CAD: variants seen among roughly 807,000 people sequenced by gnomAD.
The protein encoded by CAD is multifunctional protein CAD.
A neutral mutation model predicts 237.2 loss-of-function variants in CAD; 81 were observed. The observed-to-expected ratio is 0.34, with a 90% CI of 0.29 to 0.41. The LOEUF (loss-of-function observed/expected upper bound fraction) is 0.41. Ranked by LOEUF, CAD falls within the 10% of genes least tolerant of loss-of-function variation. The pLI is 1.00. For synonymous variants in CAD, 1,196 were observed against 1,162.8 expected, an observed-to-expected ratio of 1.03 and a Z score of -0.58; for missense variants, 2,181 against 2,951.7, an observed-to-expected ratio of 0.74 and a Z score of 6.05.
intron 1 of CAD, 84 bp from the exon 2 acceptor site, chr2:27,217,793 C>T: frequency 6.7e-7 from 1 of 1,495,026 alleles, no homozygotes; most frequent in Admixed American, 2.1e-5. Flanking sequence ...GCGACCAAGG[C>T]AGCCTCCACT....
intron 3 of CAD, among the ~76,000 whole-genome samples, chr2:27,221,755 T>A (rs1322399072): frequency 1.7e-5 from 1 of 60,400 alleles, no homozygotes; most frequent in Non-Finnish European, 2.9e-5. Flanking sequence ...ATTTCCCAAT[T>A]TTTTTTTTTT....
At chr2:27,231,731 ATT>A in intron 16 of CAD, 151 bp downstream of exon 16, 1 of 668,986 alleles carries the variant, frequency 1.5e-6, no homozygotes, top group Non-Finnish European at 2.6e-6. Flanking sequence ...GAGATGTCTC[ATT>A]AGCACGCAAG....
rs773481799 is a variant in CAD at position 27,235,497 on chromosome 2, A to G, written c.3970-39A>G. The G allele has an allele frequency of 1.2e-6, 2 of 1,612,194 alleles. No individual in the cohort carries two copies. Among genetic ancestry groups the G allele is most frequent in the African/African-American group, 1.3e-5 (1 of 74,890 alleles). ...GCCAGGGCTGACCTTGAAATGGAAGACAGGAAGAAAACAATTTCATCCTTC... is the reference window on the plus strand; with the variant it reads ...GCCAGGGCTGACCTTGAAATGGAAGGCAGGAAGAAAACAATTTCATCCTTC... On this transcript the variant is annotated intron_variant, in intron 24 of 43. Coordinates refer to ENST00000264705, the MANE Select transcript of CAD (RefSeq NM_004341.5). The surrounding 1 kb of genome is among the most constrained non-coding windows in gnomAD (Gnocchi z 5.2).
chr2:27,224,271 C>G, intron 8 of CAD, 74 bp from the exon 9 acceptor site: 1 of 1,532,490 alleles, frequency 6.5e-7, no homozygotes, highest in South Asian at 1.2e-5. Flanking sequence ...CTTCTGAAAG[C>G]GAGGGAGCTA....
Position 27,238,151 on chromosome 2 carries a change from C to T in CAD, c.4824C>T (p.Arg1608=). The T allele has an allele frequency of 2.5e-6, 4 of 1,614,196 alleles. No individual in the cohort carries two copies. Among genetic ancestry groups the T allele is most frequent in the South Asian group, 1.1e-5 (1 of 91,092 alleles). ...AVLMVAQLTQ[R]SVHICHVARK... is the part of the protein sequence containing the mutation. ...TCATGGTGGCTCAGCTCACTCAGCG[C>T]TCAGTGCACATATGTCACGTGGCAC... Residue 1608 remains arginine (R), a synonymous_variant, in exon 30 of 44, where the codon CGC becomes CGT. Coordinates refer to ENST00000264705, the MANE Select transcript of CAD (RefSeq NM_004341.5).
chr2:27,217,474 C>T lies in CAD; in HGVS notation c.-78C>T, dbSNP rs1176651942. ...GCCACGTGGACCGACTCCGGCGCGC[C>T]GTCCTCACGTGGTTCCAGTGGAGTT... On this transcript the variant is annotated 5_prime_UTR_variant, in exon 1 of 44. Coordinates refer to ENST00000264705, the MANE Select transcript of CAD (RefSeq NM_004341.5). The T allele has an allele frequency of 3.2e-6, 4 of 1,259,096 alleles. No homozygotes were observed. The highest frequency in any genetic ancestry group is 2.0e-5 in the Admixed American group (1 of 51,108). The allele number at this position is 1,259,096 out of a possible 1,614,324, so 78.0% of individuals were successfully genotyped here.
chr2:27,241,823 C>A lies in CAD; in HGVS notation c.5884-88C>A. 1 of 1,066,274 alleles carries A rather than the reference C, an allele frequency of 9.4e-7. No homozygotes were observed. Among genetic ancestry groups the A allele is most frequent in the Non-Finnish European group, 1.4e-6 (1 of 708,810 alleles). 66.1% of individuals were successfully genotyped at this position (1,066,274 alleles called of 1,614,324 possible). On this transcript the variant is annotated intron_variant, in intron 38 of 43. Coordinates refer to ENST00000264705, the MANE Select transcript of CAD (RefSeq NM_004341.5). The surrounding 1 kb of genome is among the most constrained non-coding windows in gnomAD (Gnocchi z 4.6). ...GCAGAAGGGTCCTCACAGCACCCCT[C>A]AAGTGTCAGTTGGGGTGGTGGTGCC...
In CAD at chr2:27,240,447, T is replaced by C; in HGVS notation, c.5593+86T>C. On this transcript the variant is annotated intron_variant, in intron 35 of 43. Coordinates refer to ENST00000264705, the MANE Select transcript of CAD (RefSeq NM_004341.5). The surrounding 1 kb of genome is among the most constrained non-coding windows in gnomAD (Gnocchi z 4.6). ...TGCCTCGCCTTTCTCTACTTACATG[T>C]CCTCCTCTCCATCCCTTTATCCTCG... is the stretch of plus-strand genomic sequence containing the variant. The C allele has an allele frequency of 6.8e-7, 1 of 1,479,870 alleles. No homozygotes were observed. The highest frequency in any genetic ancestry group is 9.4e-7 in the Non-Finnish European group (1 of 1,058,844). The allele number at this position is 1,479,870 out of a possible 1,614,324, so 91.7% of individuals were successfully genotyped here.
rs1164804922 is a variant in CAD, at chr2:27,236,871, C to T, written c.4396+41C>T. ...GAACTTGGCTTCTGAACACTGGCAGCCCCTGGCATAGAGACCTGCAGTGTG... is the reference window on the plus strand; with the variant it reads ...GAACTTGGCTTCTGAACACTGGCAGTCCCTGGCATAGAGACCTGCAGTGTG... On this transcript the variant is annotated intron_variant, in intron 27 of 43. Coordinates refer to ENST00000264705, the MANE Select transcript of CAD (RefSeq NM_004341.5). The surrounding 1 kb of genome is among the most constrained non-coding windows in gnomAD (Gnocchi z 4.1). 6.4e-7 allele frequency: 1 copy of T among 1,550,388 alleles called. No homozygotes were observed. Among genetic ancestry groups the T allele is most frequent in the Non-Finnish European group, 8.9e-7 (1 of 1,122,002 alleles).
At chr2:27,231,067 G>A (rs1675727566) in intron 15 of CAD, among the ~76,000 whole-genome samples, 1 of 152,234 alleles carries the variant, frequency 6.6e-6, no homozygotes, top group Admixed American at 6.5e-5. Context: ...GTGCAATGGT[G>A]TGATCGCTGC....
chr2:27,238,497 C>T lies in CAD; in HGVS notation c.4927C>T (p.Leu1643=). The change falls in exon 31 of 44, where the codon CTG becomes TTG. Residue 1643 remains leucine, a synonymous_variant. Coordinates refer to ENST00000264705, the MANE Select transcript of CAD (RefSeq NM_004341.5). ...GACCTGCGAGGTGGCTCCCCACCAC[C>T]TGTTCCTAAGCCATGATGACCTGGA... ...PVTCEVAPHH[L]FLSHDDLERL... is the part of the protein sequence containing the mutation. The T allele has an allele frequency of 6.2e-7, 1 of 1,612,286 alleles. No homozygotes were observed. Among genetic ancestry groups the T allele is most frequent in the Middle Eastern group, 1.7e-4 (1 of 6,052 alleles).
chr2:27,222,519 A>C lies in CAD; in HGVS notation c.496A>C (p.Thr166Pro), dbSNP rs761254710. The change falls in exon 5 of 44, where the codon ACT becomes CCT. Residue 166 changes from threonine (T) to proline (P), a missense_variant and splice_region_variant. Around this residue, in one of 12 missense-constraint regions of CAD, gnomAD observed 314 missense variants for 339.4 expected, o/e 0.93. Coordinates refer to ENST00000264705, the MANE Select transcript of CAD (RefSeq NM_004341.5). ...TGCCCTTTATTCGTCTATTTCTCAG[A>C]CTCCACGGGTATTCAATACAGGGGG... ...RPLVPEVSIK[T>P]PRVFNTGGAP... is the part of the protein sequence containing the mutation. The C allele has an allele frequency of 1.2e-6, 2 of 1,612,480 alleles. No individual in the cohort carries two copies. The highest frequency in any genetic ancestry group is 1.7e-6 in the Non-Finnish European group (2 of 1,178,988).
Position 27,242,076 on chromosome 2 carries a change from TA to T in CAD, c.6050del (p.Tyr2017LeufsTer26), listed in dbSNP as rs1427851023. 1 of 1,613,210 alleles carries T rather than the reference TA, an allele frequency of 6.2e-7. No homozygotes were observed. The highest frequency in any genetic ancestry group is 8.5e-7 in the Non-Finnish European group (1 of 1,180,038). ...LADSVQTMSC[Y>X]ADVVVLRHPQ... ...TGACTCCGTGCAGACCATGAGCTGC[TA>T]TGCCGACGTCGTCGTGCTCCGGCAC... On this transcript the variant is annotated frameshift_variant, in exon 39 of 44. Coordinates refer to ENST00000264705, the MANE Select transcript of CAD (RefSeq NM_004341.5). LOFTEE classifies it high-confidence loss of function. The surrounding 1 kb of genome is among the most constrained non-coding windows in gnomAD (Gnocchi z 6.4).
In CAD at chr2:27,236,182, G is replaced by C; in HGVS notation, c.4075-102G>C. On this transcript the variant is annotated intron_variant, in intron 25 of 43. Transcript: ENST00000264705. The surrounding 1 kb of genome is among the most constrained non-coding windows in gnomAD (Gnocchi z 4.1). ...TCAGTGCCCACCCTATGGGTCCTCAGTCTCCTCATCATGGGCTCCTGGGCC... is the reference window on the plus strand; with the variant it reads ...TCAGTGCCCACCCTATGGGTCCTCACTCTCCTCATCATGGGCTCCTGGGCC... The C allele has an allele frequency of 6.7e-7, 1 of 1,495,958 alleles. No homozygotes were observed. The highest frequency in any genetic ancestry group is 1.3e-5 in the South Asian group (1 of 76,124). The allele number at this position is 1,495,958 out of a possible 1,614,324, so 92.7% of individuals were successfully genotyped here. A position where few individuals can be genotyped will look rare whatever the true frequency, so the allele number is the denominator to read the frequency against.
Position 27,235,207 on chromosome 2 carries a change from C to A in CAD, c.3787-38C>A. 1 of 1,550,682 alleles carries A rather than the reference C, an allele frequency of 6.4e-7. No homozygotes were observed. Among genetic ancestry groups the A allele is most frequent in the South Asian group, 1.2e-5 (1 of 82,328 alleles). ...CTGCTGGTGAGGGAGGAGGTCCTCT[C>A]ACACCTTGGCCCTCTCTCTTCCCTC... On this transcript the variant is annotated intron_variant, in intron 23 of 43. Coordinates refer to ENST00000264705, the MANE Select transcript of CAD (RefSeq NM_004341.5). The surrounding 1 kb of genome is among the most constrained non-coding windows in gnomAD (Gnocchi z 5.2).
rs747903377 is a variant in CAD at position 27,242,790 on chromosome 2, GCC to G, written c.6378+17_6378+18del. The G allele has an allele frequency of 2.5e-6, 4 of 1,614,200 alleles. No homozygotes were observed. Among genetic ancestry groups the G allele is most frequent in the Middle Eastern group, 1.6e-4 (1 of 6,062 alleles). ...GCACCAAGCAGGTGAGACCCTCACA[GCC>G]CTGCCTGGAAGCCATGGAGATGTGG... On this transcript the variant is annotated intron_variant, in intron 41 of 43. Coordinates refer to ENST00000264705, the MANE Select transcript of CAD (RefSeq NM_004341.5). This position sits in a 1 kb window ranked among gnomAD's most constrained non-coding sequence, Gnocchi z 6.4.
In CAD at chr2:27,236,921, T is replaced by G. The variant is rs1484789885; in HGVS notation, c.4396+91T>G. 1.6e-5 allele frequency: 17 copies of G among 1,046,880 alleles called. No homozygotes were observed. In the Admixed American group the frequency reaches 2.9e-4, roughly 18 times the overall value. The allele number at this position is 1,046,880 out of a possible 1,614,324, so 64.8% of individuals were successfully genotyped here. ...GGTGAAGGATGGCTGGGGGGCCCAC[T>G]CTTTGTCCTGGACTGCACAGACTGT... is the stretch of plus-strand genomic sequence containing the variant. On this transcript the variant is annotated intron_variant, in intron 27 of 43. Transcript: ENST00000264705. The surrounding 1 kb of genome is among the most constrained non-coding windows in gnomAD (Gnocchi z 4.1).
In CAD at chr2:27,232,402, T is replaced by A; in HGVS notation, c.2646-46T>A. On this transcript the variant is annotated intron_variant, in intron 17 of 43. Coordinates refer to ENST00000264705, the MANE Select transcript of CAD (RefSeq NM_004341.5). The surrounding 1 kb of genome is among the most constrained non-coding windows in gnomAD (Gnocchi z 4.1). ...GGGGTCTCAACCCTCTATCAGTCTG[T>A]ACCCTACTCTCTGGGCCTGTGTTTC... is the stretch of plus-strand genomic sequence containing the variant. 1 of 1,611,678 alleles carries A rather than the reference T, an allele frequency of 6.2e-7. No homozygotes were observed. Among genetic ancestry groups the A allele is most frequent in the Non-Finnish European group, 8.5e-7 (1 of 1,179,004 alleles).
chr2:27,220,466 T>C (rs984413250), intron 2 of CAD, among the ~76,000 whole-genome samples: 1 of 149,244 alleles, frequency 6.7e-6, no homozygotes, highest in African/African-American at 2.5e-5. Context: ...CCTGGCAACA[T>C]GGTGAGACGC....
Sources: gnomAD v4.1 joint callset for allele counts (sites outside exome capture counted in the v4.1 genomes callset) on GRCh38, gnomAD v4.1.1 for gene constraint, gnomAD v4.1.1 regional missense constraint, Gnocchi (gnomAD v3.1) non-coding constraint, MANE v1.5 for transcripts, NCBI Gene and HGNC (gene_info 2026-07-23, HGNC 2026-07-21) for gene names.